MAPDA: variants seen among roughly 807,000 people sequenced by gnomAD.
The protein encoded by MAPDA is N6,N6-dimethyl-AMP deaminase.
chr15:43,344,911 C>G, the MAPDA span, among the ~76,000 whole-genome samples: 1 of 151,768 alleles, frequency 6.6e-6, no homozygotes, highest in Admixed American at 6.6e-5. Context: ...ATATTTGATA[C>G]ATTTTAGAAA....
chr15:43,335,003 A>C, the MAPDA span: 3 of 1,117,698 alleles, frequency 2.7e-6, no homozygotes, highest in East Asian at 5.3e-5. Context: ...GTGGAAGTAA[A>C]GCAATCTGAA....
At chr15:43,342,442 CT>C in the MAPDA span, among the ~76,000 whole-genome samples, 193 of 145,296 alleles carry the variant, frequency 1.3e-3, no homozygotes, top group African/African-American at 4.7e-3. Flanking sequence ...GAAAATATCC[CT>C]TTTAAAAAAA....
At chr15:43,345,918 G>A in the MAPDA span, 80 of 1,614,060 alleles carry the variant, frequency 5.0e-5, no homozygotes, top group African/African-American at 5.3e-4. Context: ...AAAACTTGCC[G>A]AGGAGTTCTT....
the MAPDA span, chr15:43,351,332 G>GAA: frequency 3.9e-6 from 1 of 255,992 alleles, no homozygotes; most frequent in African/African-American, 2.5e-5. Flanking sequence ...ATCTCACAAA[G>GAA]CAAAAAAAAA....
chr15:43,341,489 A>G, the MAPDA span, among the ~76,000 whole-genome samples: 61 of 152,374 alleles, frequency 4.0e-4, 2 homozygotes, highest in South Asian at 3.5e-3. Context: ...ACTCGGACTC[A>G]TGTTAAATGA....
the MAPDA span, chr15:43,348,924 AG>A: frequency 6.2e-7 from 1 of 1,613,880 alleles, no homozygotes; most frequent in Non-Finnish European, 8.5e-7. Flanking sequence ...ACCAAAAAAA[AG>A]AAACACAAAT....
chr15:43,344,635 T>G, the MAPDA span, among the ~76,000 whole-genome samples: 1 of 151,692 alleles, frequency 6.6e-6, no homozygotes, highest in Non-Finnish European at 1.5e-5. Context: ...ATGATGAAAC[T>G]CCATCTCTAC....
At chr15:43,330,702 C>T in the MAPDA span, 1 of 480,566 alleles carries the variant, frequency 2.1e-6, no homozygotes, top group Non-Finnish European at 3.7e-6. Flanking sequence ...TTGCGGCTGA[C>T]CTTTCTTTGG....
chr15:43,335,406 T>C, the MAPDA span, among the ~76,000 whole-genome samples: 3 of 152,104 alleles, frequency 2.0e-5, no homozygotes, highest in Non-Finnish European at 4.4e-5. Flanking sequence ...CTTGGTGGCA[T>C]GCCTGTAGTC....
At chr15:43,347,203 A>G in the MAPDA span, 7 of 855,208 alleles carry the variant, frequency 8.2e-6, no homozygotes, top group Non-Finnish European at 1.3e-5. Flanking sequence ...ATTTTTTAAA[A>G]AGGGAAAGTA....
the MAPDA span, among the ~76,000 whole-genome samples, chr15:43,331,443 G>C: frequency 6.6e-6 from 1 of 152,190 alleles, no homozygotes; most frequent in Admixed American, 6.5e-5. Context: ...TTTATCATTT[G>C]TTCACTGGGA....
chr15:43,330,763 A>G, the MAPDA span: 5 of 383,318 alleles, frequency 1.3e-5, no homozygotes, highest in East Asian at 8.3e-5. Context: ...CCGCTGTGAC[A>G]TGAGTGTTAG....
chr15:43,336,656 G>T, the MAPDA span: 33 of 1,567,672 alleles, frequency 2.1e-5, no homozygotes, highest in Non-Finnish European at 2.8e-5. Context: ...CTATTCATCA[G>T]CTTACTAGTA....
At chr15:43,338,268 A>T in the MAPDA span, among the ~76,000 whole-genome samples, 1 of 152,252 alleles carries the variant, frequency 6.6e-6, no homozygotes, top group Non-Finnish European at 1.5e-5. Flanking sequence ...GTCTATGAGG[A>T]TAAACTAAGA....
At chr15:43,332,563 T>C in the MAPDA span, among the ~76,000 whole-genome samples, 1 of 152,192 alleles carries the variant, frequency 6.6e-6, no homozygotes, top group Non-Finnish European at 1.5e-5. Flanking sequence ...CTGATTTCGA[T>C]GCCTTATGAT....
At chr15:43,342,878 C>T in the MAPDA span, 2 of 710,458 alleles carry the variant, frequency 2.8e-6, no homozygotes, top group Non-Finnish European at 2.3e-6. Flanking sequence ...TCATCTTTAA[C>T]TATGCCCTTG....
the MAPDA span, chr15:43,335,841 G>T: frequency 6.2e-7 from 1 of 1,601,772 alleles, no homozygotes; most frequent in Non-Finnish European, 8.5e-7. Context: ...GTGTGGGGAG[G>T]TTGTGGACAT....
At chr15:43,342,354 G>A in the MAPDA span, among the ~76,000 whole-genome samples, 1 of 151,430 alleles carries the variant, frequency 6.6e-6, no homozygotes, top group East Asian at 1.9e-4. Flanking sequence ...TGGTTCCCTG[G>A]ATGAGAAACA....
chr15:43,332,212 A>G, the MAPDA span: 1 of 152,202 alleles, frequency 6.6e-6, no homozygotes, highest in Non-Finnish European at 1.5e-5. Flanking sequence ...CAGAGTTGTC[A>G]GTTTAGTGTA....
Sources: gnomAD v4.1 joint callset for allele counts (sites outside exome capture counted in the v4.1 genomes callset) on GRCh38, gnomAD v4.1.1 for gene constraint, MANE v1.5 for transcripts, NCBI Gene and HGNC (gene_info 2026-07-23, HGNC 2026-07-21) for gene names.